Variants in NFATC1 observed in about 807,000 individuals in gnomAD.
NFATC1 encodes the protein nuclear factor of activated T-cells, cytoplasmic 1.
A neutral mutation model predicts 76.0 loss-of-function variants in NFATC1; 22 were observed. The ratio of observed to expected loss-of-function variants is 0.29; its 90% CI spans 0.21 to 0.41. The LOEUF is 0.41. Ranked by LOEUF, NFATC1 falls within the 10% of genes least tolerant of loss-of-function variation. NFATC1 has a pLI of 1.00. For synonymous variants in NFATC1, 704 were observed against 613.1 expected (o/e 1.15, Z -2.19); for missense variants, 1,357 against 1,337.7 (o/e 1.01, Z -0.23).
intron 9 of NFATC1, among the ~76,000 whole-genome samples, chr18:79,522,162 TG>T (rs1491382781): frequency 3.6e-5 from 1 of 27,442 alleles, no homozygotes; most frequent in Non-Finnish European, 5.9e-5. Context: ...TGTGTGTGTG[TG>T]GGGGGGTATC....
At chr18:79,418,463 G>A (rs1220547389) in intron 2 of NFATC1, among the ~76,000 whole-genome samples, 4 of 152,192 alleles carry the variant, frequency 2.6e-5, no homozygotes, top group Non-Finnish European at 5.9e-5. Flanking sequence ...AGGCCTGTAC[G>A]GGGTGGGGGC....
chr18:79,396,594 CGA>C (rs1434928421), intron 1 of NFATC1, among the ~76,000 whole-genome samples: 1 of 152,162 alleles, frequency 6.6e-6, no homozygotes, highest in African/African-American at 2.4e-5. Context: ...GCTGAGGGCG[CGA>C]GGCGAGGCCG....
At chr18:79,495,220 C>T (rs2089845840) in intron 9 of NFATC1, among the ~76,000 whole-genome samples, 1 of 152,252 alleles carries the variant, frequency 6.6e-6, no homozygotes, top group Admixed American at 6.5e-5. Context: ...CCGTCCTTCC[C>T]TGAGGTGGGC....
chr18:79,473,743 G>A (rs553229605), intron 8 of NFATC1, among the ~76,000 whole-genome samples: 680 of 148,038 alleles, frequency 4.6e-3, no homozygotes, highest in Non-Finnish European at 6.6e-3. Flanking sequence ...ACTCACTGTC[G>A]ACGTTGTGAG....
At chr18:79,418,294 G>A (rs1352554793) in intron 2 of NFATC1, among the ~76,000 whole-genome samples, 2 of 152,198 alleles carry the variant, frequency 1.3e-5, no homozygotes, top group South Asian at 4.1e-4. Context: ...CCACCCGACT[G>A]TGGACGCAGC....
intron 3 of NFATC1, among the ~76,000 whole-genome samples, chr18:79,444,803 G>A (rs115832739): frequency 0.011 from 1,719 of 152,292 alleles, 33 homozygotes; most frequent in African/African-American, 0.038. Context: ...CCACACACAT[G>A]CCTGCACACG....
intron 7 of NFATC1, among the ~76,000 whole-genome samples, chr18:79,462,514 A>G (rs911805342): frequency 1.3e-5 from 2 of 152,082 alleles, no homozygotes; most frequent in Non-Finnish European, 2.9e-5. Context: ...ATGTTGGCCA[A>G]GCAGGTCTGG....
intron 1 of NFATC1, among the ~76,000 whole-genome samples, chr18:79,405,057 C>T (rs1278768060): frequency 6.6e-6 from 1 of 152,230 alleles, no homozygotes; most frequent in Non-Finnish European, 1.5e-5. Flanking sequence ...TGGGACTAGG[C>T]TGGCCTGAGA....
At chr18:79,476,393 C>T (rs546606695) in intron 8 of NFATC1, among the ~76,000 whole-genome samples, 2 of 152,262 alleles carry the variant, frequency 1.3e-5, no homozygotes, top group Non-Finnish European at 2.9e-5. Flanking sequence ...TGGCGAAAGC[C>T]GACCGATGTG....
At chr18:79,458,733 CG>C (rs1400143858) in intron 6 of NFATC1, among the ~76,000 whole-genome samples, 3 of 152,220 alleles carry the variant, frequency 2.0e-5, no homozygotes, top group African/African-American at 7.2e-5. Context: ...TTGAACAGCA[CG>C]GGGGCCGGCG....
At chr18:79,485,216 G>A (rs1027016704) in intron 8 of NFATC1, among the ~76,000 whole-genome samples, 11 of 152,186 alleles carry the variant, frequency 7.2e-5, no homozygotes, top group Admixed American at 6.5e-5. Context: ...TGCAGCCCAC[G>A]GGGAGGAGAA....
At chr18:79,490,093 C>G (rs1023370508) in intron 9 of NFATC1, among the ~76,000 whole-genome samples, 7 of 152,280 alleles carry the variant, frequency 4.6e-5, no homozygotes, top group African/African-American at 7.2e-5. Flanking sequence ...TGATCTCCCC[C>G]CCGCCCCCGC....
chr18:79,465,071 G>GT lies in NFATC1; in HGVS notation c.1960-2378dup, dbSNP rs745409196. On this transcript the variant is annotated intron_variant, in intron 7 of 9. Coordinates refer to ENST00000427363, the MANE Select transcript of NFATC1 (RefSeq NM_001278669.2). This position sits in a 1 kb window ranked among gnomAD's most constrained non-coding sequence, Gnocchi z 4.2. ...GTTTTTGTACTTTCTATAAGTAAGT[G>GT]TATGAGCTTCATCTCAACAGTGGAG... Among the ~76,000 whole-genome samples the GT allele has an allele frequency of 3.9e-5, 6 of 152,104 alleles. No homozygotes were observed. The highest frequency in any genetic ancestry group is 4.4e-5 in the Non-Finnish European group (3 of 68,028).
chr18:79,511,822 G>C (rs1344064205), intron 9 of NFATC1, among the ~76,000 whole-genome samples: 1 of 152,194 alleles, frequency 6.6e-6, no homozygotes, highest in Non-Finnish European at 1.5e-5. Flanking sequence ...AGTGGAGCTG[G>C]GAGATGTGGA....
At chr18:79,504,394 A>G (rs1275184495) in intron 9 of NFATC1, among the ~76,000 whole-genome samples, 1 of 152,198 alleles carries the variant, frequency 6.6e-6, no homozygotes, top group African/African-American at 2.4e-5. Context: ...GGGAGGCCTG[A>G]GCCCAGGGAG....
intron 1 of NFATC1, chr18:79,400,397 G>A (rs894715295): frequency 2.9e-5 from 43 of 1,480,958 alleles, no homozygotes; most frequent in East Asian, 9.0e-5. Context: ...CCGCCATGAC[G>A]GGGCTGGAGG....
chr18:79,473,719 A>C (rs545743014), intron 8 of NFATC1, among the ~76,000 whole-genome samples: 4 of 144,446 alleles, frequency 2.8e-5, no homozygotes, highest in Admixed American at 7.0e-5. Context: ...GTTGCAAGGG[A>C]AGCGTGTTCT....
chr18:79,523,309 G>T (rs1340542805), intron 9 of NFATC1, among the ~76,000 whole-genome samples: 1 of 152,250 alleles, frequency 6.6e-6, no homozygotes, highest in Non-Finnish European at 1.5e-5. Context: ...GGCCCTGGCA[G>T]CTCCGTTCTG....
chr18:79,473,560 A>G lies in NFATC1; in HGVS notation c.2092+5978A>G, dbSNP rs979900805. On this transcript the variant is annotated intron_variant, in intron 8 of 9. Coordinates refer to ENST00000427363, the MANE Select transcript of NFATC1 (RefSeq NM_001278669.2). ...TCACTGTCGACGTAAACCTGAGGGAAGCGTGTTCTCGCGCTCACTGTCGAC... is the reference window on the plus strand; with the variant it reads ...TCACTGTCGACGTAAACCTGAGGGAGGCGTGTTCTCGCGCTCACTGTCGAC... 6.8e-5 allele frequency among the ~76,000 whole-genome samples: 10 copies of G among 146,120 alleles called. No individual in the cohort carries two copies. The East Asian group carries it at 1.3e-3, about 18-fold the overall frequency.
Sources: gnomAD v4.1 joint callset for allele counts (sites outside exome capture counted in the v4.1 genomes callset) on GRCh38, gnomAD v4.1.1 for gene constraint, Gnocchi (gnomAD v3.1) non-coding constraint, MANE v1.5 for transcripts, NCBI Gene and HGNC (gene_info 2026-07-23, HGNC 2026-07-21) for gene names.